The following PRKD1 variants were observed in gnomAD, a reference collection of about 807,000 sequenced individuals.
The protein encoded by PRKD1 is protein kinase D1.
In PRKD1, 63 loss-of-function variants were observed where a neutral mutation model predicts 95.9. That is an observed-to-expected ratio of 0.66 (90% CI 0.54 to 0.81). PRKD1 has a LOEUF of 0.81. Among genes scored for constraint, PRKD1 ranks in the 30% least tolerant of loss-of-function variants. The probability of loss-of-function intolerance (pLI) is 0.00; values close to 1 mark genes in which losing one functional copy is unlikely to be tolerated. For missense variants in PRKD1, 1,048 were observed against 1,165.3 expected (o/e 0.90, Z 1.47); for synonymous variants, 425 against 423.1 (o/e 1.00, Z -0.05).
rs773145937 is a variant in PRKD1, at chr14:29,666,102, C to T, written c.510G>A (p.Leu170=). The T allele has an allele frequency of 2.1e-5, 34 of 1,595,026 alleles. No homozygotes were observed. The highest frequency in any genetic ancestry group is 2.7e-5 in the Non-Finnish European group (32 of 1,167,174). ...CDHCGEMLWG[L]VRQGLKCEGC... The stretch of plus-strand genomic sequence containing the variant: ...CTTCACATTTAAGACCTTGACGTAC[C>T]AGCCCCCACAGCATTTCTCCACAGT... Residue 170 remains leucine, a synonymous_variant, in exon 3 of 18, where the codon CTG becomes CTA. Transcript: ENST00000331968.
chr14:29,649,988 T>G (rs1041774720), intron 4 of PRKD1, among the ~76,000 whole-genome samples: 1 of 152,164 alleles, frequency 6.6e-6, no homozygotes, highest in African/African-American at 2.4e-5. Context: ...GGAACAGTCT[T>G]TATCACACAC....
chr14:29,806,491 T>C (rs549819812), intron 1 of PRKD1, among the ~76,000 whole-genome samples: 35 of 152,040 alleles, frequency 2.3e-4, no homozygotes, highest in African/African-American at 7.2e-4. Flanking sequence ...ATCTGAAATA[T>C]GTAGTCTGAA....
intron 13 of PRKD1, among the ~76,000 whole-genome samples, chr14:29,618,222 T>C (rs957779155): frequency 2.0e-5 from 3 of 151,942 alleles, no homozygotes; most frequent in Admixed American, 6.6e-5. Flanking sequence ...CATGGGATGA[T>C]GGAAATTTTA....
chr14:29,746,529 T>TACACACACACACAC (rs139747043), intron 1 of PRKD1, among the ~76,000 whole-genome samples: 12 of 146,508 alleles, frequency 8.2e-5, no homozygotes, highest in Admixed American at 8.0e-4. Context: ...TGTGTACATA[T>TACACACACACACAC]ATACACACAC....
intron 1 of PRKD1, among the ~76,000 whole-genome samples, chr14:29,834,776 C>T (rs1411224873): frequency 6.6e-6 from 1 of 152,118 alleles, no homozygotes; most frequent in Non-Finnish European, 1.5e-5. Flanking sequence ...TGTGCTTACA[C>T]ATCCCATAAA....
At chr14:29,684,989 G>T (rs1364091422) in intron 2 of PRKD1, among the ~76,000 whole-genome samples, 1 of 152,128 alleles carries the variant, frequency 6.6e-6, no homozygotes, top group African/African-American at 2.4e-5. Flanking sequence ...CTCAAACAAA[G>T]CTTTACTATT....
At chr14:29,687,524 G>A (rs1883951272) in intron 2 of PRKD1, among the ~76,000 whole-genome samples, 1 of 152,218 alleles carries the variant, frequency 6.6e-6, no homozygotes, top group South Asian at 2.1e-4. Flanking sequence ...AGCACAAGTT[G>A]TTGCAGAGAG....
At chr14:29,804,235 TAA>T (rs34903080) in intron 1 of PRKD1, among the ~76,000 whole-genome samples, 3,456 of 120,172 alleles carry the variant, frequency 0.029, 144 homozygotes, top group African/African-American at 0.09. Flanking sequence ...AGAACGAAAC[TAA>T]AAAAAAAAAA....
chr14:29,676,377 A>C (rs1168113387), intron 2 of PRKD1, among the ~76,000 whole-genome samples: 1 of 152,016 alleles, frequency 6.6e-6, no homozygotes, highest in African/African-American at 2.4e-5. Flanking sequence ...GTGGAGGTCA[A>C]AGGAGTCTCG....
chr14:29,893,393 G>C (rs1309721453), intron 1 of PRKD1, among the ~76,000 whole-genome samples: 2 of 128,120 alleles, frequency 1.6e-5, no homozygotes, highest in Non-Finnish European at 3.3e-5. Flanking sequence ...ATTTATAATA[G>C]AAAGAGGTTT....
chr14:29,873,618 T>C (rs937641056), intron 1 of PRKD1, among the ~76,000 whole-genome samples: 1 of 152,206 alleles, frequency 6.6e-6, no homozygotes, highest in Non-Finnish European at 1.5e-5. Flanking sequence ...AGGTCCTTTG[T>C]ATACATTAAA....
intron 1 of PRKD1, among the ~76,000 whole-genome samples, chr14:29,826,802 C>CACATATAT (rs1891187597): frequency 4.4e-5 from 1 of 22,782 alleles, no homozygotes; most frequent in African/African-American, 2.1e-4. Context: ...CATATATATA[C>CACATATAT]ACATATATAT....
chr14:29,676,475 G>A (rs61977989), intron 2 of PRKD1, among the ~76,000 whole-genome samples: 31,411 of 151,868 alleles, frequency 0.21, 3,296 homozygotes, highest in South Asian at 0.23. Flanking sequence ...CCGCCTCAGC[G>A]TCCCGAATAG....
intron 1 of PRKD1, among the ~76,000 whole-genome samples, chr14:29,781,967 T>A (rs1889066501): frequency 6.6e-6 from 1 of 152,238 alleles, no homozygotes; most frequent in Admixed American, 6.5e-5. Context: ...TGTGATTAAA[T>A]GATCTTTTCT....
intron 2 of PRKD1, among the ~76,000 whole-genome samples, chr14:29,675,873 G>C (rs554764671): frequency 3.3e-5 from 5 of 150,788 alleles, no homozygotes; most frequent in Admixed American, 1.3e-4. Context: ...GCAAACTATC[G>C]CAAGGACAAA....
chr14:29,630,487 C>CTAATACATAGTG lies in PRKD1; in HGVS notation c.1672+243_1672+254dup, dbSNP rs45516197. 3,153 of 475,228 alleles carry CTAATACATAGTG rather than the reference C, an allele frequency of 6.6e-3. 99 individuals are homozygous for CTAATACATAGTG. Among genetic ancestry groups the CTAATACATAGTG allele is most frequent in the African/African-American group, 0.056 (2,863 of 51,352 alleles). The allele number at this position is 475,228 out of a possible 1,614,324, so 29.4% of individuals were successfully genotyped here. A position where few individuals can be genotyped will look rare whatever the true frequency, so the allele number is the denominator to read the frequency against. ...AATAGCTCTAGAGGTCTGTAATTGCCTAATACATAGTGTTTACCTGAATTT... is the reference window on the plus strand; with the variant it reads ...AATAGCTCTAGAGGTCTGTAATTGCCTAATACATAGTGTAATACATAGTGTTTACCTGAATTT... On this transcript the variant is annotated intron_variant, in intron 10 of 17. Transcript: ENST00000331968.
At chr14:29,813,541 A>G (rs1425385861) in intron 1 of PRKD1, among the ~76,000 whole-genome samples, 3 of 152,322 alleles carry the variant, frequency 2.0e-5, no homozygotes, top group Non-Finnish European at 4.4e-5. Flanking sequence ...TATTCTCATT[A>G]TAGTTCTAGG....
chr14:29,852,840 C>T (rs1426082474), intron 1 of PRKD1, among the ~76,000 whole-genome samples: 1 of 151,934 alleles, frequency 6.6e-6, no homozygotes, highest in African/African-American at 2.4e-5. Flanking sequence ...GGCTAGAAAG[C>T]ATATAAAAAA....
At chr14:29,907,970 T>C (rs1894551713) in intron 1 of PRKD1, among the ~76,000 whole-genome samples, 1 of 152,160 alleles carries the variant, frequency 6.6e-6, no homozygotes, top group African/African-American at 2.4e-5. Flanking sequence ...AGCAGGAAAG[T>C]TGAAAGTGTA....
Sources: gnomAD v4.1 joint callset for allele counts (sites outside exome capture counted in the v4.1 genomes callset) on GRCh38, gnomAD v4.1.1 for gene constraint, MANE v1.5 for transcripts, NCBI Gene and HGNC (gene_info 2026-07-23, HGNC 2026-07-21) for gene names.